The following OVCH1 variants were observed in gnomAD, a reference collection of about 807,000 sequenced individuals.
OVCH1 encodes the protein ovochymase 1.
OVCH1 carries 139 observed loss-of-function variants against 138.4 expected under a neutral mutation model. The ratio of observed to expected loss-of-function variants is 1.00; its 90% confidence interval spans 0.87 to 1.16. The LOEUF (loss-of-function observed/expected upper bound fraction) is 1.16, where lower values mean the gene tolerates loss of function less well. Ranked by LOEUF, OVCH1 falls within the 50% of genes most tolerant of loss-of-function variation. The pLI is 0.00. For missense variants in OVCH1, 1,367 were observed against 1,357.9 expected (o/e 1.01, Z -0.11); for synonymous variants, 453 against 467.8 (o/e 0.97, Z 0.41).
intron 19 of OVCH1, among the ~76,000 whole-genome samples, chr12:29,458,220 C>T (rs375239352): frequency 1.1e-4 from 17 of 152,212 alleles, no homozygotes; most frequent in African/African-American, 3.9e-4. Flanking sequence ...GGAATGATCA[C>T]ATTACCTGAC....
chr12:29,476,349 G>C (rs771880308), intron 12 of OVCH1, 50 bp from the exon 13 acceptor site: 1 of 1,435,384 alleles, frequency 7.0e-7, no homozygotes, highest in Non-Finnish European at 9.8e-7. Flanking sequence ...AGAGAAGAGA[G>C]AAGCTTAAAG....
chr12:29,481,494 A>C (rs1231542046), intron 8 of OVCH1, among the ~76,000 whole-genome samples: 1 of 152,204 alleles, frequency 6.6e-6, no homozygotes, highest in African/African-American at 2.4e-5. Context: ...CATCTACTAA[A>C]GTTGAAGCAA....
chr12:29,436,433 T>C (rs1323465908), intron 26 of OVCH1, among the ~76,000 whole-genome samples: 1 of 152,222 alleles, frequency 6.6e-6, no homozygotes, highest in Admixed American at 6.5e-5. Context: ...AGCAGTTAAA[T>C]TTTCTCATTT....
intron 8 of OVCH1, among the ~76,000 whole-genome samples, chr12:29,485,354 G>T (rs970566229): frequency 5.5e-5 from 8 of 146,210 alleles, no homozygotes; most frequent in South Asian, 2.2e-4. Context: ...TGTCAAATAA[G>T]CTGGGTGCAG....
chr12:29,492,759 G>A lies in OVCH1; in HGVS notation c.455-1567C>T, dbSNP rs535789620. Among the ~76,000 whole-genome samples the A allele has an allele frequency of 2.6e-5, 4 of 152,190 alleles. No individual in the cohort carries two copies. In the East Asian group the frequency reaches 7.7e-4, roughly 29 times the overall value. On this transcript the variant is annotated intron_variant, in intron 4 of 27. Transcript: ENST00000318184. ...CTGGATGAGGTCACAAAGAGAATGAGCACAACTAGAGAATAAGATGTCCAG... is the reference window on the plus strand; with the variant it reads ...CTGGATGAGGTCACAAAGAGAATGAACACAACTAGAGAATAAGATGTCCAG...
chr12:29,414,242 T>C (rs1941003063), intron 3 of OVCH1, among the ~76,000 whole-genome samples: 1 of 152,084 alleles, frequency 6.6e-6, no homozygotes, highest in Non-Finnish European at 1.5e-5. Context: ...GCCAGGCTGG[T>C]CTTGAACTCC....
At chr12:29,428,235 C>A (rs1484880142) in intron 27 of OVCH1, among the ~76,000 whole-genome samples, 1 of 152,200 alleles carries the variant, frequency 6.6e-6, no homozygotes, top group African/African-American at 2.4e-5. Context: ...TTTATCCTTA[C>A]TCTAGCCAGG....
intron 8 of OVCH1, among the ~76,000 whole-genome samples, chr12:29,482,096 C>T (rs1942953852): frequency 6.6e-6 from 1 of 152,136 alleles, no homozygotes; most frequent in Non-Finnish European, 1.5e-5. Context: ...CATGATCTTC[C>T]TCATTCAAAA....
At chr12:29,409,085 T>G (rs1940919632), downstream of OVCH1, among the ~76,000 whole-genome samples, 1 of 152,206 alleles carries the variant, frequency 6.6e-6, no homozygotes, top group South Asian at 2.1e-4. Flanking sequence ...AATTTTCTAG[T>G]TTATTTGCGT....
At chr12:29,487,835 C>A (rs1212327376) in exon 7 of OVCH1, 2 of 1,611,568 alleles carry the variant, frequency 1.2e-6, no homozygotes, top group Non-Finnish European at 1.7e-6. Context: ...CAGCAAGAAT[C>A]CAGATTCCAC....
At chr12:29,477,137 A>T in exon 12 of OVCH1, 1 of 1,612,902 alleles carries the variant, frequency 6.2e-7, no homozygotes, top group Non-Finnish European at 8.5e-7. Flanking sequence ...CAAATGAACC[A>T]ATGACACCTT....
rs559187813 is a variant in OVCH1 at position 29,421,870 on chromosome 12, A to G, written c.*71+1257T>C. ...ACTGGAGATTTCTATTTCATACCAG[A>G]CATGTATTTAAAACAAAAAGTTTCT... is the stretch of plus-strand genomic sequence containing the variant. On this transcript the variant is annotated intron_variant and NMD_transcript_variant, in intron 3 of 4. Coordinates refer to the OVCH1 transcript ENST00000539117. 1.4e-3 allele frequency among the ~76,000 whole-genome samples: 206 copies of G among 152,250 alleles called. 1 individual carries two copies. Among genetic ancestry groups the G allele is most frequent in the African/African-American group, 4.8e-3 (199 of 41,572 alleles).
chr12:29,421,251 G>T (rs942153281), intron 3 of OVCH1, among the ~76,000 whole-genome samples: 2 of 152,228 alleles, frequency 1.3e-5, no homozygotes, highest in East Asian at 3.8e-4. Flanking sequence ...TCAACAGCTG[G>T]AATGCTACGT....
intron 3 of OVCH1, among the ~76,000 whole-genome samples, chr12:29,417,251 G>A (rs1022676440): frequency 6.6e-6 from 1 of 151,860 alleles, no homozygotes; most frequent in Admixed American, 6.6e-5. Context: ...TCAGGAGTTC[G>A]AGACCAACCT....
intron 3 of OVCH1, among the ~76,000 whole-genome samples, chr12:29,416,685 GTCAC>G (rs1171793051): frequency 6.6e-6 from 1 of 152,048 alleles, no homozygotes; most frequent in Non-Finnish European, 1.5e-5. Context: ...GAAAAACTAG[GTCAC>G]TCACACATTG....
intron 22 of OVCH1, among the ~76,000 whole-genome samples, chr12:29,448,460 T>C (rs1414413212): frequency 6.6e-6 from 1 of 151,930 alleles, no homozygotes; most frequent in Non-Finnish European, 1.5e-5. Context: ...CATCAAGAAT[T>C]GAAGGACATG....
chr12:29,430,994 T>C, intron 27 of OVCH1: 1 of 460,816 alleles, frequency 2.2e-6, no homozygotes, highest in Non-Finnish European at 4.3e-6. Context: ...TGATTGTATT[T>C]AATTTTTCCT....
chr12:29,444,175 ATCTG>A lies in OVCH1; in HGVS notation c.2983_2986del (p.Gln995SerfsTer16). The A allele has an allele frequency of 6.2e-7, 1 of 1,610,012 alleles. No homozygotes were observed. Among genetic ancestry groups the A allele is most frequent in the Non-Finnish European group, 8.5e-7 (1 of 1,177,764 alleles). ...AGTAGTTCTGTGAGAATTTCTTGGG[ATCTG>A]CATGATCCCTTCTGGCTTGGTCAGA... On this transcript the variant is annotated frameshift_variant, in exon 24 of 28. Coordinates refer to ENST00000318184, the Ensembl canonical transcript of OVCH1. LOFTEE classifies it high-confidence loss of function.
chr12:29,417,224 G>A (rs756844536), intron 3 of OVCH1, among the ~76,000 whole-genome samples: 4 of 151,994 alleles, frequency 2.6e-5, no homozygotes, highest in Admixed American at 6.5e-5. Flanking sequence ...AGGCCAAGGC[G>A]GGTGGATCAC....
Sources: gnomAD v4.1 joint callset for allele counts (sites outside exome capture counted in the v4.1 genomes callset) on GRCh38, gnomAD v4.1.1 for gene constraint, MANE v1.5 for transcripts, NCBI Gene and HGNC (gene_info 2026-07-23, HGNC 2026-07-21) for gene names.